The following ADGRL3 variants were observed in gnomAD, a reference collection of about 807,000 sequenced individuals.
ADGRL3 encodes the protein adhesion G protein-coupled receptor L3, also known as calcium-independent alpha-latrotoxin receptor 3.
Under a neutral mutation model 153.5 loss-of-function variants are expected in ADGRL3, and 62 were observed. The observed-to-expected ratio is 0.40, with a 90% CI of 0.33 to 0.50. The LOEUF is 0.50. ADGRL3 is among the 20% of genes least tolerant of loss of function. The pLI is 0.47. For synonymous variants in ADGRL3, 710 were observed against 672.5 expected (o/e 1.06, Z -0.86); for missense variants, 1,641 against 1,859.4 (o/e 0.88, Z 2.16).
At chr4:61,745,785 G>T (rs1174901861) in intron 8 of ADGRL3, among the ~76,000 whole-genome samples, 1 of 152,118 alleles carries the variant, frequency 6.6e-6, no homozygotes. Context: ...TCGAGGCTAG[G>T]AATAAACTGC....
chr4:62,044,872 G>A (rs1013329543), intron 25 of ADGRL3, among the ~76,000 whole-genome samples: 5 of 151,928 alleles, frequency 3.3e-5, no homozygotes, highest in African/African-American at 9.7e-5. Context: ...CTGTATAGTC[G>A]GCTAAGCATC....
At chr4:61,577,608 C>T (rs2098895806) in intron 4 of ADGRL3, among the ~76,000 whole-genome samples, 1 of 151,264 alleles carries the variant, frequency 6.6e-6, no homozygotes, top group African/African-American at 2.4e-5. Flanking sequence ...GCCAGGAGTT[C>T]GAGACTAGCT....
chr4:61,605,089 C>CAAAAA (rs71211396), intron 5 of ADGRL3, among the ~76,000 whole-genome samples: 130 of 61,378 alleles, frequency 2.1e-3, no homozygotes, highest in Middle Eastern at 0.017. Context: ...GACTCTGTCT[C>CAAAAA]AAAAAAAAAA....
At chr4:61,699,947 TACACACACAC>T (rs563339719) in intron 6 of ADGRL3, among the ~76,000 whole-genome samples, 1 of 143,636 alleles carries the variant, frequency 7.0e-6, no homozygotes, top group Non-Finnish European at 1.5e-5. Context: ...AACAAGGAGA[TACACACACAC>T]ACACACACAC....
chr4:61,738,994 C>G (rs1220109544), intron 8 of ADGRL3, among the ~76,000 whole-genome samples: 5 of 152,118 alleles, frequency 3.3e-5, no homozygotes, highest in African/African-American at 1.2e-4. Flanking sequence ...GGAACACTAT[C>G]CTGTTGTCAC....
intron 4 of ADGRL3, among the ~76,000 whole-genome samples, chr4:61,562,413 G>T (rs916728557): frequency 6.6e-6 from 1 of 152,144 alleles, no homozygotes; most frequent in Non-Finnish European, 1.5e-5. Context: ...AGTATGCAAG[G>T]TTATTTGACA....
At chr4:61,743,006 T>A (rs568689474) in intron 8 of ADGRL3, among the ~76,000 whole-genome samples, 1 of 152,032 alleles carries the variant, frequency 6.6e-6, no homozygotes, top group African/African-American at 2.4e-5. Context: ...TTAAATTTTT[T>A]TTTTTTTCAA....
chr4:61,930,175 CAAAA>C (rs5858743), intron 13 of ADGRL3, among the ~76,000 whole-genome samples: 1 of 72,564 alleles, frequency 1.4e-5, no homozygotes, highest in Middle Eastern at 0.01. Context: ...GACTCTGTCT[CAAAA>C]AAAAAAAAAA....
At chr4:61,501,052 A>T (rs1342286304) in intron 3 of ADGRL3, among the ~76,000 whole-genome samples, 1 of 152,188 alleles carries the variant, frequency 6.6e-6, no homozygotes, top group African/African-American at 2.4e-5. Flanking sequence ...TGCCTCTTCC[A>T]TGTTCTTGGG....
intron 13 of ADGRL3, among the ~76,000 whole-genome samples, chr4:61,934,380 A>G (rs568074319): frequency 6.6e-6 from 1 of 152,318 alleles, no homozygotes; most frequent in South Asian, 2.1e-4. Flanking sequence ...ATAAGCAACA[A>G]ATTCTTGGAT....
intron 2 of ADGRL3, among the ~76,000 whole-genome samples, chr4:61,476,703 C>CT: frequency 1.2e-5 from 1 of 81,878 alleles, no homozygotes; most frequent in Non-Finnish European, 2.1e-5. Flanking sequence ...GAGCAAGACT[C>CT]TGTCTAAAAA....
Position 61,636,742 on chromosome 4 carries a change from A to G in ADGRL3, c.474-40084A>G, listed in dbSNP as rs890291756. Among the ~76,000 whole-genome samples, 4 of 151,234 alleles carry G rather than the reference A, an allele frequency of 2.6e-5. No individual in the cohort carries two copies. In the East Asian group the frequency reaches 7.7e-4, roughly 29 times the overall value. ...AAATAGGAATATAATATGTATGTGC[A>G]TAAGAATATATATTTATGTAGGAAG... On this transcript the variant is annotated intron_variant, in intron 5 of 26. Transcript: ENST00000683033.
intron 8 of ADGRL3, among the ~76,000 whole-genome samples, chr4:61,768,405 G>A (rs1031951560): frequency 1.6e-4 from 24 of 151,992 alleles, no homozygotes; most frequent in Non-Finnish European, 2.6e-4. Context: ...GCTTGGGGTC[G>A]GTACTGAGGG....
At chr4:61,408,604 T>C (rs2097035731) in intron 2 of ADGRL3, among the ~76,000 whole-genome samples, 1 of 152,042 alleles carries the variant, frequency 6.6e-6, no homozygotes, top group Non-Finnish European at 1.5e-5. Flanking sequence ...CTTGTGAAAA[T>C]GTCCCCTACT....
intron 9 of ADGRL3, among the ~76,000 whole-genome samples, chr4:61,845,625 G>A (rs1294631005): frequency 1.3e-5 from 2 of 150,150 alleles, no homozygotes; most frequent in African/African-American, 2.5e-5. Flanking sequence ...CTGGGCCTCC[G>A]AGAGTGCTGA....
chr4:61,401,692 A>G (rs1036934966), intron 2 of ADGRL3, among the ~76,000 whole-genome samples: 1 of 152,018 alleles, frequency 6.6e-6, no homozygotes, highest in African/African-American at 2.4e-5. Flanking sequence ...ATTTTTCTAC[A>G]TTTTTCATCT....
intron 6 of ADGRL3, among the ~76,000 whole-genome samples, chr4:61,699,571 TA>T (rs2095709841): frequency 6.6e-6 from 1 of 152,034 alleles, no homozygotes; most frequent in African/African-American, 2.4e-5. Flanking sequence ...ATTTTGAGTT[TA>T]AAGGAAGAAA....
intron 8 of ADGRL3, among the ~76,000 whole-genome samples, chr4:61,749,583 A>G (rs2096724020): frequency 6.6e-6 from 1 of 152,184 alleles, no homozygotes; most frequent in Admixed American, 6.5e-5. Flanking sequence ...ATTGGAAATC[A>G]TCATTCTCAG....
At chr4:61,725,618 CA>C (rs916027018) in intron 6 of ADGRL3, among the ~76,000 whole-genome samples, 12 of 130,836 alleles carry the variant, frequency 9.2e-5, no homozygotes, top group Admixed American at 8.6e-4. Context: ...CAAAAAAAAA[CA>C]AAAAAAAACA....
Sources: gnomAD v4.1 joint callset for allele counts (sites outside exome capture counted in the v4.1 genomes callset) on GRCh38, gnomAD v4.1.1 for gene constraint, MANE v1.5 for transcripts, NCBI Gene and HGNC (gene_info 2026-07-23, HGNC 2026-07-21) for gene names.